Variants in KAT2B observed in about 807,000 individuals in gnomAD.
KAT2B encodes histone acetyltransferase KAT2B.
In KAT2B, 36 loss-of-function variants were observed where a neutral mutation model predicts 105.9. The ratio of observed to expected loss-of-function variants is 0.34; its 90% CI spans 0.26 to 0.45. The LOEUF (loss-of-function observed/expected upper bound fraction) is 0.45. KAT2B is among the 20% of genes least tolerant of loss of function. The pLI, the probability that KAT2B is intolerant of heterozygous loss-of-function variation, is 1.00. For synonymous variants in KAT2B, 397 were observed against 377.9 expected (o/e 1.05, Z -0.59); for missense variants, 820 against 1,021.6 (o/e 0.80, Z 2.69).
At chr3:20,121,119 G>T (rs1458511792) in intron 8 of KAT2B, among the ~76,000 whole-genome samples, 1 of 152,056 alleles carries the variant, frequency 6.6e-6, no homozygotes, top group Admixed American at 6.5e-5. Context: ...TCAGATGTCT[G>T]AAAATATTGT....
chr3:20,048,622 C>T (rs144170558), intron 1 of KAT2B, among the ~76,000 whole-genome samples: 76 of 152,196 alleles, frequency 5.0e-4, no homozygotes, highest in African/African-American at 1.7e-3. Flanking sequence ...ATGAATACTC[C>T]GTGTAGTGCC....
chr3:20,149,077 T>C lies in KAT2B; in HGVS notation c.2305+590T>C, dbSNP rs1205091862. On this transcript the variant is annotated intron_variant, in intron 17 of 17. Transcript: ENST00000263754. ...ACAAAAAAGGATGTCTTCAGAAATG[T>C]AGAATTGTGCAGTTTGGTGCTGTGC... 3 of 152,266 alleles carry C rather than the reference T, an allele frequency of 2.0e-5. No individual in the cohort carries two copies. The East Asian group carries it at 5.8e-4, about 29-fold the overall frequency. 9.4% of individuals were successfully genotyped at this position (152,266 alleles called of 1,614,324 possible).
At position 20,091,280 on chromosome 3, in the gene KAT2B, AT is replaced by A. The variant is rs540798583; in HGVS notation, c.431-3980del. 7.2e-5 allele frequency among the ~76,000 whole-genome samples: 11 copies of A among 152,168 alleles called. No individual in the cohort carries two copies. In the South Asian group the frequency reaches 2.3e-3, roughly 32 times the overall value. ...TTACCCATTTCTTTTAGATTATCCA[AT>A]TTATTGACATAACTGTTCATCATAA... On this transcript the variant is annotated intron_variant, in intron 2 of 17. Transcript: ENST00000263754.
At chr3:20,061,715 A>G (rs999698452) in intron 1 of KAT2B, among the ~76,000 whole-genome samples, 3 of 146,358 alleles carry the variant, frequency 2.0e-5, no homozygotes, top group Non-Finnish European at 3.0e-5. Context: ...TTGTATTTTC[A>G]TACGTATATA....
intron 1 of KAT2B, among the ~76,000 whole-genome samples, chr3:20,067,826 C>A (rs188040320): frequency 1.3e-3 from 192 of 151,148 alleles, no homozygotes; most frequent in African/African-American, 4.4e-3. Context: ...AGGTGCCCAC[C>A]ACCACACCTG....
chr3:20,148,310 G>C lies in KAT2B; in HGVS notation c.2220+4G>C. On this transcript the variant is annotated splice_donor_region_variant and intron_variant, in intron 16 of 17. Transcript: ENST00000263754. The stretch of plus-strand genomic sequence containing the variant: ...GAGCATCCTCCAGCAGGTGAAGGTG[G>C]GTGTCCTCTTTATTCACCTCATGCA... The C allele has an allele frequency of 6.2e-7, 1 of 1,613,532 alleles. No individual in the cohort carries two copies. Among genetic ancestry groups the C allele is most frequent in the Non-Finnish European group, 8.5e-7 (1 of 1,179,558 alleles).
intron 3 of KAT2B, among the ~76,000 whole-genome samples, chr3:20,097,657 C>T (rs1337067614): frequency 2.0e-5 from 3 of 152,220 alleles, no homozygotes; most frequent in Non-Finnish European, 4.4e-5. Flanking sequence ...CTGCCTCAGC[C>T]TCCTGAGTAG....
intron 1 of KAT2B, 145 bp from the exon 2 acceptor site, chr3:20,072,188 T>C (rs1439319065): frequency 9.9e-6 from 8 of 810,412 alleles, no homozygotes; most frequent in Non-Finnish European, 1.2e-5. Flanking sequence ...GGGTTTTCTG[T>C]TTTTCTCTTG....
rs1441187931 is a variant in KAT2B, at chr3:20,153,489, C to G, written c.*964C>G. On this transcript the variant is annotated 3_prime_UTR_variant, in exon 18 of 18. Transcript: ENST00000263754. ...TGCAAATGAACATTTTCCTTTATGTCTCTCCAGATAATGTTTATTGTCTGA... is the reference window on the plus strand; with the variant it reads ...TGCAAATGAACATTTTCCTTTATGTGTCTCCAGATAATGTTTATTGTCTGA... 1 of 152,608 alleles carries G rather than the reference C, an allele frequency of 6.6e-6. No individual in the cohort carries two copies. The highest frequency in any genetic ancestry group is 1.5e-5 in the Non-Finnish European group (1 of 68,006). The allele number at this position is 152,608 out of a possible 1,614,324, so 9.5% of individuals were successfully genotyped here.
Position 20,042,135 on chromosome 3 carries a change from G to A in KAT2B, c.303+1355G>A, listed in dbSNP as rs188774540. On this transcript the variant is annotated intron_variant, in intron 1 of 17. Transcript: ENST00000263754. ...ATGAATCAGGTGGTCTGAGGTGGAA[G>A]CTGAGAGTTTGCATTTCTGACAAAC... 4.6e-5 allele frequency among the ~76,000 whole-genome samples: 7 copies of A among 152,356 alleles called. No individual in the cohort carries two copies. The East Asian group carries it at 1.3e-3, about 29-fold the overall frequency.
rs36058009 is a variant in KAT2B, at chr3:20,063,534, CTTTTTTTTTTTTT to C, written c.304-8781_304-8769del. 1.8e-4 allele frequency among the ~76,000 whole-genome samples: 16 copies of C among 88,830 alleles called. 1 individual carries two copies. The highest frequency in any genetic ancestry group is 5.6e-4 in the East Asian group (2 of 3,562). 58.3% of individuals were successfully genotyped at this position (88,830 alleles called of 152,430 possible). On this transcript the variant is annotated intron_variant, in intron 1 of 17. Transcript: ENST00000263754. ...CTCACAGCAACTTCTGAGTAGGCCT[CTTTTTTTTTTTTT>C]TTTTTTTTTTTTTTTTTGAGATGGT...
chr3:20,124,417 G>A (rs1367616437), intron 9 of KAT2B, among the ~76,000 whole-genome samples: 1 of 152,176 alleles, frequency 6.6e-6, no homozygotes. Flanking sequence ...CATGGTGAGA[G>A]AGGGAACAAG....
chr3:20,140,485 G>A (rs1699677773), intron 13 of KAT2B, 121 bp downstream of exon 13: 1 of 951,864 alleles, frequency 1.1e-6, no homozygotes. Flanking sequence ...TTTGCTGTGG[G>A]TTATCTAGAT....
At chr3:20,127,629 C>T in intron 11 of KAT2B, 80 bp downstream of exon 11, 1 of 1,348,496 alleles carries the variant, frequency 7.4e-7, no homozygotes, top group Non-Finnish European at 1.0e-6. Flanking sequence ...GGGAAGATCT[C>T]TCTGTGCCAT....
chr3:20,079,962 C>T (rs1266178293), intron 2 of KAT2B, among the ~76,000 whole-genome samples: 2 of 152,184 alleles, frequency 1.3e-5, no homozygotes, highest in Non-Finnish European at 2.9e-5. Context: ...GTCTCCCTGA[C>T]GTCCTCTGGT....
At chr3:20,086,498 G>A (rs988475504) in intron 2 of KAT2B, among the ~76,000 whole-genome samples, 8 of 152,106 alleles carry the variant, frequency 5.3e-5, no homozygotes. Context: ...CCACTTGGAA[G>A]GCTGAGGTCA....
intron 2 of KAT2B, among the ~76,000 whole-genome samples, chr3:20,078,876 G>A (rs1214667386): frequency 2.8e-5 from 4 of 143,162 alleles, no homozygotes; most frequent in South Asian, 2.5e-4. Context: ...GACTCCCAGA[G>A]CTTTTTTTTT....
At chr3:20,059,309 G>A (rs917744244) in intron 1 of KAT2B, among the ~76,000 whole-genome samples, 1 of 151,432 alleles carries the variant, frequency 6.6e-6, no homozygotes, top group Non-Finnish European at 1.5e-5. Context: ...AGCTACTCGG[G>A]AGGCTGAGGC....
At chr3:20,077,123 C>T (rs1698433655) in intron 2 of KAT2B, among the ~76,000 whole-genome samples, 1 of 152,122 alleles carries the variant, frequency 6.6e-6, no homozygotes, top group Admixed American at 6.5e-5. Context: ...GGACATAAAA[C>T]ACAGGAGTGA....
Sources: gnomAD v4.1 joint callset for allele counts (sites outside exome capture counted in the v4.1 genomes callset) on GRCh38, gnomAD v4.1.1 for gene constraint, MANE v1.5 for transcripts, NCBI Gene and HGNC (gene_info 2026-07-23, HGNC 2026-07-21) for gene names.